KALRN: variants seen among roughly 807,000 people sequenced by gnomAD.
The protein encoded by KALRN is kalirin RhoGEF kinase, also known as kalirin.
A neutral mutation model predicts 353.7 loss-of-function variants in KALRN; 70 were observed. The observed-to-expected ratio is 0.20, with a 90% CI of 0.16 to 0.24. The LOEUF is 0.24. KALRN is among the 10% of genes least tolerant of loss of function. The pLI is 1.00. For missense variants in KALRN, 2,791 were observed against 3,756.7 expected (o/e 0.74, Z 6.72); for synonymous variants, 1,391 against 1,434.8 (o/e 0.97, Z 0.69).
chr3:124,120,906 A>G (rs2063943432), intron 1 of KALRN, among the ~76,000 whole-genome samples: 1 of 150,922 alleles, frequency 6.6e-6, no homozygotes, highest in South Asian at 2.1e-4. Context: ...AGCCTGGCCA[A>G]CATGGTGAAA....
intron 51 of KALRN, among the ~76,000 whole-genome samples, chr3:124,681,100 A>G (rs578172037): frequency 6.6e-6 from 1 of 152,268 alleles, no homozygotes; most frequent in South Asian, 2.1e-4. Context: ...CCAGGAAACA[A>G]TTTAGGACCT....
At chr3:124,452,069 T>A (rs1009136864) in intron 21 of KALRN, among the ~76,000 whole-genome samples, 3 of 152,220 alleles carry the variant, frequency 2.0e-5, no homozygotes, top group Non-Finnish European at 4.4e-5. Context: ...TGGGCTGCCC[T>A]CATAAGACAA....
intron 1 of KALRN, among the ~76,000 whole-genome samples, chr3:124,221,349 T>C (rs892785252): frequency 1.3e-5 from 2 of 152,250 alleles, no homozygotes; most frequent in Admixed American, 6.5e-5. Flanking sequence ...TCTCTGTGCC[T>C]GTGCGTGGTC....
intron 14 of KALRN, among the ~76,000 whole-genome samples, chr3:124,416,719 T>C (rs2092521391): frequency 6.6e-6 from 1 of 152,252 alleles, no homozygotes; most frequent in African/African-American, 2.4e-5. Flanking sequence ...AGGTGGGCCT[T>C]ATCCCCCAAT....
chr3:124,330,912 G>T (rs78889767), intron 8 of KALRN, among the ~76,000 whole-genome samples: 2 of 152,210 alleles, frequency 1.3e-5, no homozygotes, highest in African/African-American at 4.8e-5. Context: ...ATATCAAGAA[G>T]TGAGACCTGG....
At chr3:124,458,585 A>G (rs953620581) in intron 23 of KALRN, among the ~76,000 whole-genome samples, 2 of 152,192 alleles carry the variant, frequency 1.3e-5, no homozygotes, top group African/African-American at 4.8e-5. Flanking sequence ...TATACTCTGT[A>G]GTATGGATCA....
At chr3:124,171,021 T>C (rs1333605261) in intron 1 of KALRN, among the ~76,000 whole-genome samples, 1 of 151,952 alleles carries the variant, frequency 6.6e-6, no homozygotes, top group Admixed American at 6.6e-5. Flanking sequence ...TTCATTATGT[T>C]AGCCAGGCTG....
intron 32 of KALRN, among the ~76,000 whole-genome samples, chr3:124,496,010 TATACACAC>T (rs1285343305): frequency 0.01 from 625 of 61,764 alleles, 58 homozygotes; most frequent in African/African-American, 0.019. Context: ...TATATATATA[TATACACAC>T]ACATATATAC....
chr3:124,120,033 A>G (rs1451605008), intron 1 of KALRN, among the ~76,000 whole-genome samples: 3 of 152,214 alleles, frequency 2.0e-5, no homozygotes, highest in Non-Finnish European at 4.4e-5. Flanking sequence ...CCATCTCCCC[A>G]CAGAGGTCAG....
intron 1 of KALRN, among the ~76,000 whole-genome samples, chr3:124,075,712 TA>T (rs1280280854): frequency 5.3e-5 from 8 of 152,360 alleles, no homozygotes; most frequent in African/African-American, 1.9e-4. Context: ...TGTGACTTTA[TA>T]AAGTTTTCCT....
chr3:124,378,583 C>A (rs2086893770), intron 10 of KALRN, among the ~76,000 whole-genome samples: 1 of 152,054 alleles, frequency 6.6e-6, no homozygotes, highest in Non-Finnish European at 1.5e-5. Context: ...TCTTGCAAAT[C>A]TGCTAGTGAA....
At chr3:124,110,398 TGTG>T (rs1399065318) in intron 1 of KALRN, among the ~76,000 whole-genome samples, 2 of 149,588 alleles carry the variant, frequency 1.3e-5, no homozygotes, top group African/African-American at 4.9e-5. Context: ...ATATATACCA[TGTG>T]GTACATGGTA....
Position 124,672,879 on chromosome 3 carries a change from A to G in KALRN, c.6942+981A>G, listed in dbSNP as rs374283329. Among the ~76,000 whole-genome samples, 30 of 152,296 alleles carry G rather than the reference A, an allele frequency of 2.0e-4. No homozygotes were observed. In the East Asian group the frequency reaches 5.6e-3, roughly 28 times the overall value. On this transcript the variant is annotated intron_variant, in intron 48 of 59. Coordinates refer to ENST00000682506, the MANE Select transcript of KALRN (RefSeq NM_001388419.1). The stretch of plus-strand genomic sequence containing the variant: ...TGGCTCTATGAATAGGAACACTTAC[A>G]TTTTTTATCTACATGTTCCAGTTTT...
At chr3:124,483,345 G>A (rs2062182940) in intron 28 of KALRN, among the ~76,000 whole-genome samples, 1 of 152,170 alleles carries the variant, frequency 6.6e-6, no homozygotes, top group Admixed American at 6.5e-5. Context: ...GGGGCCAGGA[G>A]TTTGAGACCA....
chr3:124,630,048 G>A (rs2149804466), intron 34 of KALRN, among the ~76,000 whole-genome samples: 1 of 152,330 alleles, frequency 6.6e-6, no homozygotes, highest in South Asian at 2.1e-4. Context: ...AACAAGCACT[G>A]AGAACTAGGA....
chr3:124,393,570 G>A (rs1363267591), intron 11 of KALRN, among the ~76,000 whole-genome samples: 2 of 152,170 alleles, frequency 1.3e-5, no homozygotes, highest in Non-Finnish European at 2.9e-5. Context: ...TGATAAATGT[G>A]AGGGATGCTG....
At chr3:124,149,818 C>T (rs2067850046) in intron 1 of KALRN, among the ~76,000 whole-genome samples, 1 of 152,166 alleles carries the variant, frequency 6.6e-6, no homozygotes, top group South Asian at 2.1e-4. Flanking sequence ...AGCTTTCCTC[C>T]AGAAGAGGTG....
At chr3:124,188,869 A>C (rs1283407205) in intron 1 of KALRN, among the ~76,000 whole-genome samples, 1 of 152,142 alleles carries the variant, frequency 6.6e-6, no homozygotes, top group African/African-American at 2.4e-5. Flanking sequence ...CCCAAGTCCC[A>C]CAGTAGCAAT....
intron 34 of KALRN, among the ~76,000 whole-genome samples, chr3:124,586,946 C>G (rs999916701): frequency 6.6e-6 from 1 of 152,112 alleles, no homozygotes; most frequent in African/African-American, 2.4e-5. Context: ...TCACTCTAAC[C>G]GAAAACAGTC....
Sources: gnomAD v4.1 joint callset for allele counts (sites outside exome capture counted in the v4.1 genomes callset) on GRCh38, gnomAD v4.1.1 for gene constraint, MANE v1.5 for transcripts, NCBI Gene and HGNC (gene_info 2026-07-23, HGNC 2026-07-21) for gene names.